The following MYO5C variants were observed in gnomAD, a reference collection of about 807,000 sequenced individuals.
The protein encoded by MYO5C is unconventional myosin-Vc.
In MYO5C, 194 loss-of-function variants were observed where a neutral mutation model predicts 235.7. The observed-to-expected ratio is 0.82, with a 90% CI of 0.73 to 0.93. The LOEUF is 0.93. Ranked by LOEUF, MYO5C falls within the 40% of genes least tolerant of loss-of-function variation. The probability of loss-of-function intolerance (pLI) is 0.00; values close to 1 mark genes in which losing one functional copy is unlikely to be tolerated. For missense variants in MYO5C, 2,038 were observed against 2,127.2 expected (o/e 0.96, Z 0.82); for synonymous variants, 707 against 754.8 (o/e 0.94, Z 1.04).
chr15:52,268,888 G>A (rs2036863998), intron 8 of MYO5C, among the ~76,000 whole-genome samples: 1 of 152,212 alleles, frequency 6.6e-6, no homozygotes, highest in Non-Finnish European at 1.5e-5. Context: ...TGAATCAGTT[G>A]CCTAATGTTG....
In MYO5C at chr15:52,205,303, C is replaced by T. The variant is rs3751605; in HGVS notation, c.4538-156G>A. On this transcript the variant is annotated intron_variant, in intron 37 of 40. Transcript: ENST00000261839. Reference sequence around the variant, plus strand: ...AAGCAAAAGAATCAAGGGTTTGGGACACCAGGGTGTGTGTCAGGGTTAGGG... The same window carrying T: ...AAGCAAAAGAATCAAGGGTTTGGGATACCAGGGTGTGTGTCAGGGTTAGGG... 2.7e-3 allele frequency: 2,242 copies of T among 827,632 alleles called. 72 individuals carry two copies. In the East Asian group the frequency reaches 0.058, roughly 21 times the overall value. The allele number at this position is 827,632 out of a possible 1,614,324, so 51.3% of individuals were successfully genotyped here.
Position 52,282,803 on chromosome 15 carries a change from T to G in MYO5C, c.117A>C (p.Arg39=), listed in dbSNP as rs2037187752. 1.9e-6 allele frequency: 3 copies of G among 1,610,978 alleles called. No individual in the cohort carries two copies. Among genetic ancestry groups the G allele is most frequent in the Non-Finnish European group, 2.5e-6 (3 of 1,177,748 alleles). Residue 39 remains arginine (R), a synonymous_variant, in exon 2 of 41, where the codon CGA becomes CGC. Coordinates refer to ENST00000261839, the MANE Select transcript of MYO5C (RefSeq NM_018728.4). ...TCACCGTTCCATCCTCCAGCAGGAG[T>G]CGCAGGACCTTGTCACCAACTCTGT... ...KDYRVGDKVL[R]LLLEDGTELD...
intron 17 of MYO5C, among the ~76,000 whole-genome samples, 179 bp from the exon 18 acceptor site, chr15:52,245,644 G>A (rs1352104067): frequency 6.6e-6 from 1 of 152,188 alleles, no homozygotes; most frequent in Non-Finnish European, 1.5e-5. Context: ...ACCACCCTGA[G>A]CACTCCTGTC....
At chr15:52,249,514 G>A (rs971375826) in intron 13 of MYO5C, among the ~76,000 whole-genome samples, 8 of 152,204 alleles carry the variant, frequency 5.3e-5, no homozygotes, top group Admixed American at 2.6e-4. Context: ...ACAGGGGAGA[G>A]TGCTGGAATC....
intron 20 of MYO5C, 33 bp downstream of exon 20, chr15:52,242,015 C>A (rs1299338959): frequency 6.3e-7 from 1 of 1,581,118 alleles, no homozygotes; most frequent in Non-Finnish European, 8.6e-7. Context: ...GGCCCGTACA[C>A]CCTCCCTTCC....
intron 36 of MYO5C, among the ~76,000 whole-genome samples, chr15:52,207,631 G>T (rs573456819): frequency 6.6e-6 from 1 of 152,266 alleles, no homozygotes; most frequent in South Asian, 2.1e-4. Context: ...TCAGGGCAGG[G>T]AAGAATTTCT....
At chr15:52,223,493 G>T in intron 29 of MYO5C, 51 bp downstream of exon 29, 1 of 1,526,012 alleles carries the variant, frequency 6.6e-7, no homozygotes, top group Non-Finnish European at 8.9e-7. Flanking sequence ...CACTGACAAA[G>T]AACAACTCTA....
At chr15:52,213,718 A>G (rs1347319015) in intron 33 of MYO5C, among the ~76,000 whole-genome samples, 1 of 152,276 alleles carries the variant, frequency 6.6e-6, no homozygotes, top group South Asian at 2.1e-4. Flanking sequence ...TATCACAAAC[A>G]TAGAGGCTTA....
chr15:52,213,340 C>T, intron 33 of MYO5C, 54 bp from the exon 34 acceptor site: 1 of 1,312,106 alleles, frequency 7.6e-7, no homozygotes, highest in South Asian at 1.2e-5. Context: ...TTTCACAGGT[C>T]TCACAATGTG....
At chr15:52,292,642 T>C (rs553321672) in intron 1 of MYO5C, among the ~76,000 whole-genome samples, 7 of 152,360 alleles carry the variant, frequency 4.6e-5, no homozygotes, top group African/African-American at 1.7e-4. Context: ...TGCACACAGG[T>C]GCACATCAAA....
chr15:52,199,144 C>T (rs1052759218), intron 38 of MYO5C, among the ~76,000 whole-genome samples: 3 of 151,962 alleles, frequency 2.0e-5, no homozygotes, highest in African/African-American at 4.8e-5. Context: ...CCGCCCACCT[C>T]GGCCTCCCAA....
chr15:52,270,996 A>G (rs902843019), intron 7 of MYO5C, among the ~76,000 whole-genome samples: 5 of 152,178 alleles, frequency 3.3e-5, no homozygotes, highest in Non-Finnish European at 7.3e-5. Flanking sequence ...GTACTGAAGG[A>G]CAAACAGCCC....
chr15:52,232,527 G>C (rs2035988140), intron 24 of MYO5C, 95 bp downstream of exon 24: 8 of 1,172,878 alleles, frequency 6.8e-6, no homozygotes, highest in Non-Finnish European at 1.0e-5. Context: ...CCACTTTCTT[G>C]TATCTGTGTC....
In MYO5C at chr15:52,192,755, T is replaced by C. The variant is rs79510542; in HGVS notation, c.*1147A>G. Reference sequence around the variant, plus strand: ...ATTTTTTAGTTACTTTTTGAGAAAATTTAAAAATAAATACATTGAAATGCT... The same window carrying C: ...ATTTTTTAGTTACTTTTTGAGAAAACTTAAAAATAAATACATTGAAATGCT... On this transcript the variant is annotated 3_prime_UTR_variant, in exon 41 of 41. Transcript: ENST00000261839. 3.3e-5 allele frequency: 5 copies of C among 152,290 alleles called. No individual in the cohort carries two copies. The East Asian group carries it at 9.6e-4, about 29-fold the overall frequency. The allele number at this position is 152,290 out of a possible 1,614,324, so 9.4% of individuals were successfully genotyped here. A position where few individuals can be genotyped will look rare whatever the true frequency, so the allele number is the denominator to read the frequency against.
In MYO5C at chr15:52,295,699, G is replaced by C. The variant is rs1358895555; in HGVS notation, c.-63C>G. On this transcript the variant is annotated 5_prime_UTR_variant, in exon 1 of 41. Coordinates refer to ENST00000261839, the MANE Select transcript of MYO5C (RefSeq NM_018728.4). Reference sequence around the variant, plus strand: ...CGTGCGAGGCTCGGGGGCTGGGCCTGCGCCGCAGAGGCCGGGCGCAGGAGA... The same window carrying C: ...CGTGCGAGGCTCGGGGGCTGGGCCTCCGCCGCAGAGGCCGGGCGCAGGAGA... 5.8e-5 allele frequency: 69 copies of C among 1,199,504 alleles called. No individual in the cohort carries two copies. The highest frequency in any genetic ancestry group is 1.9e-4 in the East Asian group (6 of 31,530). The allele number at this position is 1,199,504 out of a possible 1,614,324, so 74.3% of individuals were successfully genotyped here. A position where few individuals can be genotyped will look rare whatever the true frequency, so the allele number is the denominator to read the frequency against.
At chr15:52,268,150 G>A (rs1440380372) in intron 8 of MYO5C, among the ~76,000 whole-genome samples, 1 of 152,124 alleles carries the variant, frequency 6.6e-6, no homozygotes, top group African/African-American at 2.4e-5. Flanking sequence ...CCTATTCCTT[G>A]GATATGTTTA....
chr15:52,223,566 G>C lies in MYO5C; in HGVS notation c.3605C>G (p.Thr1202Ser). 1 of 1,613,938 alleles carries C rather than the reference G, an allele frequency of 6.2e-7. No individual in the cohort carries two copies. The highest frequency in any genetic ancestry group is 8.5e-7 in the Non-Finnish European group (1 of 1,179,922). The change falls in exon 29 of 41, where the codon ACC (threonine) becomes AGC (serine). Residue 1202 changes from threonine (T) to serine (S), a missense_variant. Transcript: ENST00000261839. Reference sequence around the variant, plus strand: ...TACCATGTTCTCTGATGTTAGCCTGGTAACTTCATGACGGATGCTTTCATT... The same window carrying C: ...TACCATGTTCTCTGATGTTAGCCTGCTAACTTCATGACGGATGCTTTCATT... ...DINESIRHEV[T>S]RLTSENMMIP...
chr15:52,240,713 CTGAG>C (rs2036200107), intron 20 of MYO5C, among the ~76,000 whole-genome samples: 1 of 152,076 alleles, frequency 6.6e-6, no homozygotes, highest in African/African-American at 2.4e-5. Flanking sequence ...GCCTGGGCAA[CTGAG>C]TGAGACCTTG....
At chr15:52,277,962 G>C (rs2037087786) in intron 4 of MYO5C, 2 of 455,896 alleles carry the variant, frequency 4.4e-6, no homozygotes, top group African/African-American at 4.0e-5. Flanking sequence ...GCTGCGGCTG[G>C]GGTTATGCAG....
Sources: gnomAD v4.1 joint callset for allele counts (sites outside exome capture counted in the v4.1 genomes callset) on GRCh38, gnomAD v4.1.1 for gene constraint, MANE v1.5 for transcripts, NCBI Gene and HGNC (gene_info 2026-07-23, HGNC 2026-07-21) for gene names.